Variants in RBFOX1 observed in about 807,000 individuals in gnomAD.
RBFOX1 encodes the protein RNA binding protein fox-1 homolog 1.
Under a neutral mutation model 57.7 loss-of-function variants are expected in RBFOX1, and 8 were observed. The observed-to-expected ratio is 0.14, with a 90% CI of 0.08 to 0.25. The LOEUF (loss-of-function observed/expected upper bound fraction) is 0.25. Among genes scored for constraint, RBFOX1 ranks in the 10% least tolerant of loss-of-function variants. The pLI is 1.00. For synonymous variants in RBFOX1, 326 were observed against 222.4 expected, an observed-to-expected ratio of 1.47 and a Z score of -4.15; for missense variants, 611 against 548.5, an observed-to-expected ratio of 1.11 and a Z score of -1.14.
At chr16:7,039,254 T>C (rs1036352779) in intron 3 of RBFOX1, among the ~76,000 whole-genome samples, 1 of 152,230 alleles carries the variant, frequency 6.6e-6, no homozygotes, top group African/African-American at 2.4e-5. Context: ...AATCCATTAT[T>C]ATTTTTTCTA....
intron 3 of RBFOX1, among the ~76,000 whole-genome samples, chr16:5,863,492 G>A (rs1038019541): frequency 2.0e-5 from 3 of 152,136 alleles, no homozygotes; most frequent in Non-Finnish European, 2.9e-5. Flanking sequence ...TCTGCGGTAC[G>A]GTCTGGCTTG....
intron 2 of RBFOX1, among the ~76,000 whole-genome samples, chr16:5,516,186 A>T (rs907104881): frequency 6.6e-6 from 1 of 152,224 alleles, no homozygotes; most frequent in Non-Finnish European, 1.5e-5. Context: ...GTCAAGCTTG[A>T]TGGAAAATGA....
chr16:7,557,422 C>G (rs1227155139), intron 5 of RBFOX1, among the ~76,000 whole-genome samples: 1 of 151,924 alleles, frequency 6.6e-6, no homozygotes, highest in African/African-American at 2.4e-5. Context: ...GAATTCCAGA[C>G]CAGCCTGACC....
At chr16:6,716,472 G>A (rs1603453100) in intron 3 of RBFOX1, among the ~76,000 whole-genome samples, 1 of 151,852 alleles carries the variant, frequency 6.6e-6, no homozygotes, top group South Asian at 2.1e-4. Context: ...CCATATTTTT[G>A]GCTAAATCTG....
intron 3 of RBFOX1, among the ~76,000 whole-genome samples, chr16:6,881,059 T>C (rs1007328441): frequency 6.6e-6 from 1 of 152,156 alleles, no homozygotes; most frequent in Non-Finnish European, 1.5e-5. Context: ...TGGCAGACAT[T>C]GCTAATCAAT....
intron 1 of RBFOX1, among the ~76,000 whole-genome samples, chr16:6,172,485 C>A (rs1196518836): frequency 6.6e-6 from 1 of 152,120 alleles, no homozygotes; most frequent in Non-Finnish European, 1.5e-5. Context: ...CCAAAAATTG[C>A]CCCTGTGGCC....
At position 5,946,703 on chromosome 16, in the gene RBFOX1, G is replaced by A. The variant is rs2059406770; in HGVS notation, c.351+79368G>A. 1.3e-5 allele frequency among the ~76,000 whole-genome samples: 2 copies of A among 152,300 alleles called. No individual in the cohort carries two copies. Among genetic ancestry groups the A allele is most frequent in the South Asian group, 4.1e-4 (2 of 4,820 alleles). On this transcript the variant is annotated intron_variant, in intron 4 of 19. Transcript: ENST00000641259. The surrounding 1 kb of genome is among the most constrained non-coding windows in gnomAD (Gnocchi z 4.6). Reference sequence around the variant, plus strand: ...GATTTATAACCAGATGGTGAGAAGGGAAGTACAGGCTTGCTCTGAAGTGGG... The same window carrying A: ...GATTTATAACCAGATGGTGAGAAGGAAAGTACAGGCTTGCTCTGAAGTGGG...
intron 4 of RBFOX1, among the ~76,000 whole-genome samples, chr16:5,974,693 A>G (rs2060027918): frequency 1.3e-5 from 2 of 152,068 alleles, no homozygotes; most frequent in Non-Finnish European, 2.9e-5. Flanking sequence ...AATTATTTGT[A>G]TAGAGGAACT....
chr16:7,205,588 T>C (rs772572313), intron 4 of RBFOX1, among the ~76,000 whole-genome samples: 1 of 152,144 alleles, frequency 6.6e-6, no homozygotes, highest in Non-Finnish European at 1.5e-5. Context: ...AGAATGTTCC[T>C]ATCCACCCTG....
intron 2 of RBFOX1, among the ~76,000 whole-genome samples, chr16:6,631,836 C>T (rs911961324): frequency 1.1e-4 from 17 of 151,878 alleles, no homozygotes; most frequent in Admixed American, 6.6e-5. Flanking sequence ...TGCATGCAAA[C>T]ACCCCAAGGT....
chr16:6,186,035 G>A (rs2097103066), intron 1 of RBFOX1, among the ~76,000 whole-genome samples: 1 of 152,186 alleles, frequency 6.6e-6, no homozygotes, highest in Non-Finnish European at 1.5e-5. Flanking sequence ...CCTTGGATGT[G>A]TGTTTCTTGC....
chr16:7,676,864 A>G, intron 14 of RBFOX1, 26 bp downstream of exon 14: 1 of 1,587,128 alleles, frequency 6.3e-7, no homozygotes, highest in South Asian at 1.1e-5. Flanking sequence ...CTTGTGCTTG[A>G]CAACTACTTG....
At chr16:7,440,928 G>C (rs1402767476) in intron 4 of RBFOX1, among the ~76,000 whole-genome samples, 7 of 152,104 alleles carry the variant, frequency 4.6e-5, no homozygotes, top group Non-Finnish European at 1.0e-4. Context: ...AGTCCTAGCT[G>C]CTTTGGAGGC....
chr16:5,416,864 C>T (rs2067174989), intron 1 of RBFOX1, among the ~76,000 whole-genome samples: 1 of 152,140 alleles, frequency 6.6e-6, no homozygotes, highest in Non-Finnish European at 1.5e-5. Context: ...GCGTTTGTTA[C>T]TGCGGCATAA....
intron 3 of RBFOX1, among the ~76,000 whole-genome samples, chr16:6,784,623 TA>T (rs1389116333): frequency 1.3e-5 from 2 of 152,298 alleles, no homozygotes; most frequent in East Asian, 3.9e-4. Flanking sequence ...ACTGATACTT[TA>T]TTTAGTCCAT....
At chr16:7,482,392 G>T (rs17143797) in intron 4 of RBFOX1, among the ~76,000 whole-genome samples, 18,230 of 152,098 alleles carry the variant, frequency 0.12, 1,134 homozygotes, top group African/African-American at 0.14. Flanking sequence ...GACAGTGATT[G>T]CTGCGTCAGG....
At chr16:6,850,683 T>A (rs964413192) in intron 3 of RBFOX1, among the ~76,000 whole-genome samples, 1 of 152,188 alleles carries the variant, frequency 6.6e-6, no homozygotes, top group Non-Finnish European at 1.5e-5. Context: ...CCGTTACATA[T>A]AGCTATGCAG....
chr16:5,573,794 T>C (rs1322544432), intron 2 of RBFOX1, among the ~76,000 whole-genome samples: 2 of 151,882 alleles, frequency 1.3e-5, no homozygotes, highest in African/African-American at 4.8e-5. Context: ...AGATATCATA[T>C]CTACAAAAAA....
chr16:5,262,518 T>C (rs1406840772), intron 1 of RBFOX1, among the ~76,000 whole-genome samples: 1 of 152,236 alleles, frequency 6.6e-6, no homozygotes, highest in Non-Finnish European at 1.5e-5. Flanking sequence ...AACTATATCA[T>C]TGGCTGTCCT....
Sources: gnomAD v4.1 joint callset for allele counts (sites outside exome capture counted in the v4.1 genomes callset) on GRCh38, gnomAD v4.1.1 for gene constraint, Gnocchi (gnomAD v3.1) non-coding constraint, MANE v1.5 for transcripts, NCBI Gene and HGNC (gene_info 2026-07-23, HGNC 2026-07-21) for gene names.